DENND4C: variants seen among roughly 807,000 people sequenced by gnomAD.
DENND4C encodes DENN domain-containing protein 4C.
DENND4C carries 108 observed loss-of-function variants against 203.0 expected under a neutral mutation model. The observed-to-expected ratio is 0.53, with a 90% CI of 0.46 to 0.62. The LOEUF (loss-of-function observed/expected upper bound fraction) is 0.62. Ranked by LOEUF, DENND4C falls within the 20% of genes least tolerant of loss-of-function variation. The probability of loss-of-function intolerance (pLI) is 0.00; values close to 1 mark genes in which losing one functional copy is unlikely to be tolerated. For synonymous variants in DENND4C, 871 were observed against 792.4 expected (o/e 1.10, Z -1.67); for missense variants, 2,481 against 2,301.2 (o/e 1.08, Z -1.60).
intron 1 of DENND4C, among the ~76,000 whole-genome samples, chr9:19,255,412 A>ATC (rs1827700480): frequency 2.1e-5 from 1 of 47,598 alleles, no homozygotes; most frequent in Non-Finnish European, 5.7e-5. Flanking sequence ...CTCCAAAAAA[A>ATC]AAAATTTTTT....
intron 2 of DENND4C, among the ~76,000 whole-genome samples, chr9:19,279,617 C>T (rs1459657680): frequency 1.3e-5 from 2 of 151,060 alleles, no homozygotes; most frequent in Non-Finnish European, 1.5e-5. Flanking sequence ...GTGGAGGTTG[C>T]AGTGAGCCAA....
At chr9:19,331,572 GGA>G (rs1185502566) in intron 16 of DENND4C, among the ~76,000 whole-genome samples, 1 of 152,098 alleles carries the variant, frequency 6.6e-6, no homozygotes, top group Non-Finnish European at 1.5e-5. Flanking sequence ...AAGACAGAGT[GGA>G]AATCTTGGCA....
chr9:19,362,265 T>C (rs899151630), intron 30 of DENND4C, among the ~76,000 whole-genome samples: 24 of 152,052 alleles, frequency 1.6e-4, no homozygotes, highest in African/African-American at 5.3e-4. Flanking sequence ...CAGAGCAAGA[T>C]TGTATCTCAA....
intron 1 of DENND4C, among the ~76,000 whole-genome samples, chr9:19,272,979 C>G (rs1449071095): frequency 1.6e-5 from 2 of 125,474 alleles, no homozygotes; most frequent in Non-Finnish European, 3.2e-5. Context: ...GATGGAGTCT[C>G]GCTCTGTCAC....
chr9:19,350,634 A>G (rs1823880165), intron 23 of DENND4C, 68 bp from the exon 24 acceptor site: 2 of 1,324,486 alleles, frequency 1.5e-6, no homozygotes, highest in South Asian at 1.4e-5. Context: ...TGAAAAGGGT[A>G]GAGTGGGTAT....
intron 12 of DENND4C, among the ~76,000 whole-genome samples, chr9:19,318,054 C>G (rs1336429600): frequency 1.3e-5 from 2 of 152,252 alleles, no homozygotes; most frequent in Admixed American, 1.3e-4. Context: ...CGCAGTGGCT[C>G]ACGCCTGTAA....
chr9:19,276,955 A>G (rs1405938778), intron 2 of DENND4C, among the ~76,000 whole-genome samples: 1 of 151,868 alleles, frequency 6.6e-6, no homozygotes, highest in Non-Finnish European at 1.5e-5. Context: ...GTTTACAGAT[A>G]AGTGCTACAG....
In DENND4C at chr9:19,372,441, G is replaced by C. The variant is rs755885474; in HGVS notation, c.*268G>C. On this transcript the variant is annotated 3_prime_UTR_variant, in exon 33 of 33. Transcript: ENST00000434457. Reference sequence around the variant, plus strand: ...TGGAAAACTACTTTGGGATTCTTCAGTATTTGTAGTAGTTTGATAGAAATA... The same window carrying C: ...TGGAAAACTACTTTGGGATTCTTCACTATTTGTAGTAGTTTGATAGAAATA... The C allele has an allele frequency of 6.3e-6, 2 of 317,234 alleles. No homozygotes were observed. The highest frequency in any genetic ancestry group is 1.1e-5 in the Non-Finnish European group (2 of 174,940). 19.7% of individuals were successfully genotyped at this position (317,234 alleles called of 1,614,324 possible). A position where few individuals can be genotyped will look rare whatever the true frequency, so the allele number is the denominator to read the frequency against.
intron 1 of DENND4C, among the ~76,000 whole-genome samples, chr9:19,270,366 C>T (rs567687993): frequency 1.7e-4 from 26 of 152,230 alleles, no homozygotes; most frequent in Non-Finnish European, 2.9e-5. Context: ...CCCTTTTGGC[C>T]TAGGATGGGT....
At chr9:19,308,015 C>T (rs1050617791) in intron 10 of DENND4C, among the ~76,000 whole-genome samples, 2 of 151,826 alleles carry the variant, frequency 1.3e-5, no homozygotes, top group Non-Finnish European at 2.9e-5. Context: ...TTTTTTTCTA[C>T]TTGAATAGTT....
chr9:19,325,690 G>A (rs1429966125), intron 13 of DENND4C, among the ~76,000 whole-genome samples: 1 of 152,162 alleles, frequency 6.6e-6, no homozygotes, highest in Non-Finnish European at 1.5e-5. Flanking sequence ...ATAACCTTGT[G>A]ATTGGTCATC....
At chr9:19,261,684 A>G (rs931540684) in intron 1 of DENND4C, among the ~76,000 whole-genome samples, 1 of 144,760 alleles carries the variant, frequency 6.9e-6, no homozygotes, top group African/African-American at 2.6e-5. Context: ...TTTTTTTTTT[A>G]CTCTTAGAGA....
chr9:19,245,131 G>A (rs1824829442), intron 1 of DENND4C, among the ~76,000 whole-genome samples: 1 of 152,148 alleles, frequency 6.6e-6, no homozygotes, highest in Non-Finnish European at 1.5e-5. Context: ...ATAGTAGTGG[G>A]CCACCTTCAG....
chr9:19,234,883 T>G (rs947338611), intron 1 of DENND4C, among the ~76,000 whole-genome samples: 4 of 151,772 alleles, frequency 2.6e-5, no homozygotes, highest in African/African-American at 9.7e-5. Flanking sequence ...ATGAAATTAT[T>G]TTGCTAATAT....
intron 26 of DENND4C, among the ~76,000 whole-genome samples, chr9:19,356,066 C>A (rs190528140): frequency 5.3e-4 from 81 of 152,138 alleles, no homozygotes; most frequent in African/African-American, 1.7e-3. Flanking sequence ...TAGAAAATTT[C>A]AAGCTTACAA....
At chr9:19,270,383 A>G (rs1463737166) in intron 1 of DENND4C, among the ~76,000 whole-genome samples, 1 of 152,108 alleles carries the variant, frequency 6.6e-6, no homozygotes, top group East Asian at 1.9e-4. Context: ...GGGTCTAGAA[A>G]TGCTGTCCAG....
intron 2 of DENND4C, among the ~76,000 whole-genome samples, chr9:19,277,936 T>C (rs573124056): frequency 6.6e-6 from 1 of 152,260 alleles, no homozygotes; most frequent in South Asian, 2.1e-4. Context: ...CTTTGTTCTC[T>C]TAGTGTCATG....
chr9:19,248,148 GA>G (rs1482790792), intron 1 of DENND4C, among the ~76,000 whole-genome samples: 1 of 151,822 alleles, frequency 6.6e-6, no homozygotes, highest in Non-Finnish European at 1.5e-5. Flanking sequence ...ATCATATTTA[GA>G]AAAAAATCCA....
In DENND4C at chr9:19,361,862, T is replaced by C. The variant is rs756966533; in HGVS notation, c.5423T>C (p.Leu1808Pro). The C allele has an allele frequency of 2.2e-5, 35 of 1,605,556 alleles. No individual in the cohort carries two copies. In the South Asian group the frequency reaches 3.3e-4, roughly 15 times the overall value. ...TTCTTTTAGCTTCCTCTGTCATCTC[T>C]GTCCCAGGATAGCAAACTTGTGTAT... ...NEGVQLPLSS[L>P]SQDSKLVYIQ... Residue 1808 changes from leucine to proline, a missense_variant, in exon 30 of 33, where the codon CTG (leucine) becomes CCG (proline). By Grantham distance (98) the Leu-to-Pro change is moderately conservative. Coordinates refer to ENST00000434457, the MANE Select transcript of DENND4C (RefSeq NM_001330640.2).
Sources: allele counts gnomAD v4.1 joint callset (sites outside exome capture counted in the v4.1 genomes callset), GRCh38; gene constraint gnomAD v4.1.1; transcripts MANE v1.5; gene names NCBI Gene and HGNC (gene_info 2026-07-23, HGNC 2026-07-21).